ANKRD10: variants seen among roughly 807,000 people sequenced by gnomAD.
The protein encoded by ANKRD10 is ankyrin repeat domain 10.
In ANKRD10, 14 loss-of-function variants were observed where a neutral mutation model predicts 27.0. The observed-to-expected ratio is 0.52, with a 90% CI of 0.34 to 0.81. The LOEUF (loss-of-function observed/expected upper bound fraction) is 0.81, where lower values mean the gene tolerates loss of function less well. Among genes scored for constraint, ANKRD10 ranks in the 40% least tolerant of loss-of-function variants. The probability of loss-of-function intolerance (pLI) is 0.01; values close to 1 mark genes in which losing one functional copy is unlikely to be tolerated. For synonymous variants in ANKRD10, 250 were observed against 224.5 expected (o/e 1.11, Z -1.01); for missense variants, 493 against 544.0 (o/e 0.91, Z 0.93).
chr13:110,898,750 C>CTTTT (rs56176208), intron 3 of ANKRD10, among the ~76,000 whole-genome samples: 13 of 106,530 alleles, frequency 1.2e-4, no homozygotes, highest in Admixed American at 2.2e-4. Context: ...TTTTTCTTTT[C>CTTTT]TTTTTTTTTT....
chr13:110,890,204 G>T (rs1181296026), intron 4 of ANKRD10, among the ~76,000 whole-genome samples: 1 of 151,928 alleles, frequency 6.6e-6, no homozygotes, highest in Non-Finnish European at 1.5e-5. Flanking sequence ...CTAAAAAACT[G>T]GTCAGTTAAT....
intron 4 of ANKRD10, among the ~76,000 whole-genome samples, chr13:110,888,311 C>G (rs2064986996): frequency 6.6e-6 from 1 of 151,666 alleles, no homozygotes; most frequent in African/African-American, 2.4e-5. Context: ...CAAATGGAGA[C>G]TTTTAACAGT....
chr13:110,907,565 C>A (rs2065571753), intron 2 of ANKRD10, among the ~76,000 whole-genome samples: 1 of 152,030 alleles, frequency 6.6e-6, no homozygotes, highest in East Asian at 1.9e-4. Context: ...ATGAAAGGCT[C>A]GAGTGCTTGG....
rs1485863417 is a variant in ANKRD10 at position 110,879,841 on chromosome 13, A to G, written c.1059T>C (p.Ser353=). The change falls in exon 6 of 6, where the codon AGT becomes AGC. Residue 353 remains serine (S), a synonymous_variant. Transcript: ENST00000267339. Reference sequence around the variant, plus strand: ...GCCTACTGGCTATGCAGCTACTTGGACTCCCGTTCAGGTGCAGAGAACCGC... The same window carrying G: ...GCCTACTGGCTATGCAGCTACTTGGGCTCCCGTTCAGGTGCAGAGAACCGC... ...ELCGSLHLNG[S]PSSCIASRPS... 3.1e-6 allele frequency: 5 copies of G among 1,613,992 alleles called. No homozygotes were observed. The East Asian group carries it at 8.9e-5, about 29-fold the overall frequency.
At chr13:110,912,978 CAAGGTAAAGCTACTACTCA>C (rs1362005196) in intron 1 of ANKRD10, among the ~76,000 whole-genome samples, 1 of 152,190 alleles carries the variant, frequency 6.6e-6, no homozygotes, top group African/African-American at 2.4e-5. Flanking sequence ...ATTTGATGAC[CAAGGTAAAGCTACTACTCA>C]AAGTCCCATG....
intron 4 of ANKRD10, among the ~76,000 whole-genome samples, chr13:110,889,642 G>A (rs138601804): frequency 1.1e-3 from 167 of 152,296 alleles, no homozygotes; most frequent in African/African-American, 3.8e-3. Context: ...TTTACTAAAA[G>A]CAGACACTAC....
In ANKRD10 at chr13:110,879,168, C is replaced by A; in HGVS notation, c.*469G>T. 6.0e-6 allele frequency: 1 copy of A among 166,442 alleles called. No homozygotes were observed. Among genetic ancestry groups the A allele is most frequent in the South Asian group, 1.5e-4 (1 of 6,754 alleles). 10.3% of individuals were successfully genotyped at this position (166,442 alleles called of 1,614,324 possible). ...TCTTCACACAAATCACTGCAGAAAT[C>A]TTTGTAAGGCTGTACCTTGCATAGG... On this transcript the variant is annotated 3_prime_UTR_variant, in exon 6 of 6. Transcript: ENST00000267339.
At chr13:110,912,523 C>T (rs747534922) in intron 1 of ANKRD10, among the ~76,000 whole-genome samples, 4 of 152,166 alleles carry the variant, frequency 2.6e-5, no homozygotes, top group Non-Finnish European at 4.4e-5. Context: ...CTTGGCGTAC[C>T]AAAAATCAGC....
At chr13:110,904,034 G>C (rs575741594) in intron 3 of ANKRD10, 2 of 152,294 alleles carry the variant, frequency 1.3e-5, no homozygotes, top group South Asian at 2.1e-4. Flanking sequence ...CAGAAATCAA[G>C]AAGCAACTTA....
chr13:110,889,719 CTTTTTT>C (rs559565130), intron 4 of ANKRD10, among the ~76,000 whole-genome samples: 231 of 152,162 alleles, frequency 1.5e-3, no homozygotes, highest in African/African-American at 5.4e-3. Flanking sequence ...TTTTCTTTTT[CTTTTTT>C]AAAGGGTGAA....
intron 2 of ANKRD10, among the ~76,000 whole-genome samples, chr13:110,909,230 T>C (rs2065624351): frequency 6.6e-6 from 1 of 152,228 alleles, no homozygotes; most frequent in African/African-American, 2.4e-5. Flanking sequence ...TATACTTAAA[T>C]TCCATACTAT....
rs371599786 is a variant in ANKRD10 at position 110,880,154 on chromosome 13, T to C, written c.788-42A>G. 21 of 1,521,280 alleles carry C rather than the reference T, an allele frequency of 1.4e-5. No individual in the cohort carries two copies. In the East Asian group the frequency reaches 4.3e-4, roughly 31 times the overall value. The allele number at this position is 1,521,280 out of a possible 1,614,324, so 94.2% of individuals were successfully genotyped here. On this transcript the variant is annotated intron_variant, in intron 5 of 5. Coordinates refer to ENST00000267339, the MANE Select transcript of ANKRD10 (RefSeq NM_017664.4). ...ACCTGTCACCAAAATTCAGAACCAA[T>C]GAGGGAGGAGAAACTATAAAATGCT... is the stretch of plus-strand genomic sequence containing the variant.
In ANKRD10 at chr13:110,880,055, C is replaced by G. The variant is rs370640697; in HGVS notation, c.845G>C (p.Gly282Ala). ...NTLTNGCVINGHLDFPSTTPL... is the reference protein window; with the variant it reads ...NTLTNGCVINAHLDFPSTTPL... ...GGTCGTGGAGGGGAAGTCCAAATGT[C>G]CATTGATGACACATCCATTTGTCAA... The change falls in exon 6 of 6, where the codon GGA (glycine) becomes GCA (alanine). Residue 282 changes from glycine (G) to alanine (A), a missense_variant. Gly to Ala is a moderately conservative substitution (Grantham distance 60, BLOSUM62 0). Coordinates refer to ENST00000267339, the MANE Select transcript of ANKRD10 (RefSeq NM_017664.4). 56 of 1,614,028 alleles carry G rather than the reference C, an allele frequency of 3.5e-5. No homozygotes were observed. In the African/African-American group the frequency reaches 7.1e-4, roughly 20 times the overall value.
In ANKRD10 at chr13:110,914,850, C is replaced by T. The variant is rs962679716; in HGVS notation, c.85G>A (p.Ala29Thr). The T allele has an allele frequency of 6.4e-7, 1 of 1,565,406 alleles. No homozygotes were observed. Among genetic ancestry groups the T allele is most frequent in the Admixed American group, 1.9e-5 (1 of 53,508 alleles). The change falls in exon 1 of 6, where the codon GCC (alanine) becomes ACC (threonine). Residue 29 changes from alanine (A) to threonine (T), a missense_variant. Ala to Thr is a moderately conservative substitution (Grantham distance 58). Transcript: ENST00000267339. Reference protein sequence around the residue: ...LLSLRFPLHRACRDGDLATLC... With the variant: ...LLSLRFPLHRTCRDGDLATLC... ...GTGGCCAGGTCCCCGTCGCGGCAGG[C>T]GCGGTGCAGCGGGAAACGGAGCGAG...
At chr13:110,894,091 T>C in intron 3 of ANKRD10, 2 of 1,538,646 alleles carry the variant, frequency 1.3e-6, no homozygotes, top group Non-Finnish European at 1.8e-6. Flanking sequence ...TAAAATAGAG[T>C]AAGTTGAACT....
chr13:110,896,171 T>C (rs2065221569), intron 3 of ANKRD10, among the ~76,000 whole-genome samples: 1 of 152,204 alleles, frequency 6.6e-6, no homozygotes, highest in African/African-American at 2.4e-5. Context: ...TATCGGAATC[T>C]AGGACACATG....
intron 1 of ANKRD10, chr13:110,914,385 C>G (rs7325244): frequency 0.36 from 66,634 of 183,862 alleles, 13,195 homozygotes; most frequent in East Asian, 0.8. Context: ...TCCGCGCGCG[C>G]GCGCGCTCGC....
rs1294019629 is a variant in ANKRD10, at chr13:110,914,782, G to A, written c.153C>T (p.Ala51=). The A allele has an allele frequency of 1.3e-6, 2 of 1,597,890 alleles. No individual in the cohort carries two copies. The highest frequency in any genetic ancestry group is 1.7e-6 in the Non-Finnish European group (2 of 1,172,922). The change falls in exon 1 of 6, where the codon GCC becomes GCT. Residue 51 remains alanine, a synonymous_variant. Coordinates refer to ENST00000267339, the MANE Select transcript of ANKRD10 (RefSeq NM_017664.4). ...TCCAGCCATAGAAGGAGTCCTCAGA[G>A]GCCAGGTGGGCGTGGGGTGTCTGCT... ...LLQQTPHAHL[A]SEDSFYGWTP...
rs1010367185 is a variant in ANKRD10, at chr13:110,914,510, C to T, written c.210+215G>A. ...CTCCGGACGCAGGCGCCACCGACCT[C>T]GCTTCCGCCCCGCGCCCCCCGGCTG... On this transcript the variant is annotated intron_variant, in intron 1 of 5. Coordinates refer to ENST00000267339, the MANE Select transcript of ANKRD10 (RefSeq NM_017664.4). 6 of 523,384 alleles carry T rather than the reference C, an allele frequency of 1.1e-5. No homozygotes were observed. In the East Asian group the frequency reaches 2.4e-4, roughly 21 times the overall value. 32.4% of individuals were successfully genotyped at this position (523,384 alleles called of 1,614,324 possible).
Sources: gnomAD v4.1 joint callset for allele counts (sites outside exome capture counted in the v4.1 genomes callset) on GRCh38, gnomAD v4.1.1 for gene constraint, MANE v1.5 for transcripts, NCBI Gene and HGNC (gene_info 2026-07-23, HGNC 2026-07-21) for gene names.